The following PRKCQ variants were observed in gnomAD, a reference collection of about 807,000 sequenced individuals.
PRKCQ encodes the protein protein kinase C theta.
In PRKCQ, 41 loss-of-function variants were observed where a neutral mutation model predicts 91.2. The observed-to-expected ratio is 0.45, with a 90% CI of 0.35 to 0.58. The LOEUF (loss-of-function observed/expected upper bound fraction) is 0.58, where lower values mean the gene tolerates loss of function less well. PRKCQ is among the 20% of genes least tolerant of loss of function. The pLI is 0.00. For synonymous variants in PRKCQ, 307 were observed against 316.9 expected (o/e 0.97, Z 0.33); for missense variants, 673 against 896.5 (o/e 0.75, Z 3.18).
chr10:6,404,676 CCTTT>C, the PRKCQ span, among the ~76,000 whole-genome samples: 6 of 140,122 alleles, frequency 4.3e-5, no homozygotes, highest in South Asian at 2.3e-4. Context: ...TTCTCTCTTT[CCTTT>C]CTTCCTTCCT....
At chr10:6,427,039 C>T (rs1308547332), downstream of PRKCQ, 1 of 152,234 alleles carries the variant, frequency 6.6e-6, no homozygotes, top group African/African-American at 2.4e-5. Flanking sequence ...CCCAGCCAAT[C>T]CCCCAACTGT....
chr10:6,422,108 G>C, the PRKCQ span, among the ~76,000 whole-genome samples: 1 of 152,080 alleles, frequency 6.6e-6, no homozygotes, highest in Non-Finnish European at 1.5e-5. Context: ...TGATCAATCA[G>C]ATAGAATTAT....
chr10:6,516,900 CCT>C (rs1838784744), intron 1 of PRKCQ, among the ~76,000 whole-genome samples: 1 of 152,220 alleles, frequency 6.6e-6, no homozygotes, highest in Admixed American at 6.5e-5. Context: ...GGGGCAAAAC[CCT>C]CTGTCCCCCT....
At chr10:6,563,803 C>T (rs927539751) in intron 1 of PRKCQ, among the ~76,000 whole-genome samples, 4 of 152,206 alleles carry the variant, frequency 2.6e-5, no homozygotes, top group Non-Finnish European at 5.9e-5. Flanking sequence ...AGGGGCTAGA[C>T]AGACAAAGAG....
chr10:6,564,359 T>C (rs1214877803), intron 1 of PRKCQ, among the ~76,000 whole-genome samples: 1 of 152,114 alleles, frequency 6.6e-6, no homozygotes, highest in Non-Finnish European at 1.5e-5. Context: ...GATGGCGTTT[T>C]CAAAGGCAGC....
intron 1 of PRKCQ, among the ~76,000 whole-genome samples, chr10:6,525,428 TA>T (rs911275502): frequency 1.3e-5 from 2 of 152,078 alleles, no homozygotes; most frequent in African/African-American, 4.8e-5. Context: ...AAATACTTTT[TA>T]AAAAAACTTT....
chr10:6,480,434 A>G (rs915299665), intron 11 of PRKCQ, among the ~76,000 whole-genome samples: 1 of 152,204 alleles, frequency 6.6e-6, no homozygotes, highest in African/African-American at 2.4e-5. Context: ...ATGGCATATG[A>G]TGGAGGGTTT....
intron 15 of PRKCQ, among the ~76,000 whole-genome samples, chr10:6,446,344 C>T (rs1477431924): frequency 6.8e-6 from 1 of 146,748 alleles, no homozygotes; most frequent in Non-Finnish European, 1.5e-5. Context: ...CTGTCATGGT[C>T]ACACTATGCT....
chr10:6,568,480 C>T (rs576291079), intron 1 of PRKCQ, among the ~76,000 whole-genome samples: 1 of 150,182 alleles, frequency 6.7e-6, no homozygotes, highest in African/African-American at 2.5e-5. Flanking sequence ...CTTTTATTTC[C>T]TGATCACTCT....
At chr10:6,467,721 C>T (rs1436424031) in intron 12 of PRKCQ, among the ~76,000 whole-genome samples, 1 of 152,066 alleles carries the variant, frequency 6.6e-6, no homozygotes, top group African/African-American at 2.4e-5. Context: ...CAGGTAAATC[C>T]CACCATCACA....
In PRKCQ at chr10:6,526,883, G is replaced by C. The variant is rs865884155; in HGVS notation, c.-9-11739C>G. On this transcript the variant is annotated intron_variant, in intron 1 of 17. Transcript: ENST00000263125. ...TGTAAGGAGCAAGTGCAGAAGAAGAGAGACTACTGGGGGCGACTTCACTCT... is the reference window on the plus strand; with the variant it reads ...TGTAAGGAGCAAGTGCAGAAGAAGACAGACTACTGGGGGCGACTTCACTCT... 7.9e-5 allele frequency among the ~76,000 whole-genome samples: 12 copies of C among 152,324 alleles called. No homozygotes were observed. In the South Asian group the frequency reaches 1.7e-3, roughly 21 times the overall value.
At chr10:6,515,384 T>A in intron 1 of PRKCQ, 1 of 1,446,940 alleles carries the variant, frequency 6.9e-7, no homozygotes, top group African/African-American at 1.4e-5. Context: ...CAACCTTGCT[T>A]TTGAGAAGTA....
chr10:6,480,893 G>C (rs1222336266), intron 11 of PRKCQ, among the ~76,000 whole-genome samples: 2 of 152,228 alleles, frequency 1.3e-5, no homozygotes, highest in African/African-American at 2.4e-5. Context: ...TCAGGCAAAT[G>C]AATGATGCTC....
chr10:6,408,253 T>A, the PRKCQ span, among the ~76,000 whole-genome samples: 12 of 152,154 alleles, frequency 7.9e-5, no homozygotes, highest in African/African-American at 2.9e-4. Context: ...AGGGTGTACT[T>A]TGACATATTA....
the PRKCQ span, among the ~76,000 whole-genome samples, chr10:6,407,500 GTGTA>G: frequency 1.2e-4 from 18 of 150,646 alleles, no homozygotes; most frequent in African/African-American, 2.0e-4. This position sits in a 1 kb window ranked among gnomAD's most constrained non-coding sequence, Gnocchi z 4.0. Flanking sequence ...TGTGTATGGT[GTGTA>G]TGTATGGTGT....
chr10:6,490,881 A>C (rs1206433673), intron 8 of PRKCQ, among the ~76,000 whole-genome samples: 117 of 145,160 alleles, frequency 8.1e-4, no homozygotes, highest in Non-Finnish European at 1.2e-4. Flanking sequence ...GTGCCTTGTC[A>C]GTTCTTGAGG....
At chr10:6,544,907 A>T (rs997970304) in intron 1 of PRKCQ, among the ~76,000 whole-genome samples, 2 of 151,724 alleles carry the variant, frequency 1.3e-5, no homozygotes, top group African/African-American at 2.4e-5. Flanking sequence ...GGCGTGAGCC[A>T]CTGCGCCCAG....
intron 16 of PRKCQ, 79 bp from the exon 17 acceptor site, chr10:6,431,017 G>A: frequency 6.6e-7 from 1 of 1,512,400 alleles, no homozygotes; most frequent in Non-Finnish European, 8.9e-7. Context: ...GCTTCCTGGT[G>A]CACCAGCCCC....
At chr10:6,435,986 C>T (rs1443004000) in intron 16 of PRKCQ, among the ~76,000 whole-genome samples, 2 of 152,170 alleles carry the variant, frequency 1.3e-5, no homozygotes, top group Non-Finnish European at 2.9e-5. Flanking sequence ...TGGTGGCATG[C>T]ACCTGTAGTC....
Sources: gnomAD v4.1 joint callset for allele counts (sites outside exome capture counted in the v4.1 genomes callset) on GRCh38, gnomAD v4.1.1 for gene constraint, Gnocchi (gnomAD v3.1) non-coding constraint, MANE v1.5 for transcripts, NCBI Gene and HGNC (gene_info 2026-07-23, HGNC 2026-07-21) for gene names.